CA10: variants seen among roughly 807,000 people sequenced by gnomAD.
The protein encoded by CA10 is carbonic anhydrase-related protein 10.
Under a neutral mutation model 44.2 loss-of-function variants are expected in CA10, and 14 were observed. That is an observed-to-expected ratio of 0.32 (90% CI 0.21 to 0.50). The LOEUF is 0.50. Ranked by LOEUF, CA10 falls within the 20% of genes least tolerant of loss-of-function variation. The probability of loss-of-function intolerance (pLI) is 0.99; values close to 1 mark genes in which losing one functional copy is unlikely to be tolerated. For synonymous variants in CA10, 159 were observed against 141.6 expected (o/e 1.12, Z -0.87); for missense variants, 350 against 409.7 (o/e 0.85, Z 1.26).
At chr17:51,742,109 G>A (rs1904486811) in intron 4 of CA10, among the ~76,000 whole-genome samples, 1 of 152,164 alleles carries the variant, frequency 6.6e-6, no homozygotes, top group Non-Finnish European at 1.5e-5. Context: ...AAGTCAAAAG[G>A]AGGCAGCACC....
intron 2 of CA10, among the ~76,000 whole-genome samples, chr17:52,017,793 A>G (rs1195716744): frequency 6.6e-6 from 1 of 152,052 alleles, no homozygotes; most frequent in Admixed American, 6.6e-5. Flanking sequence ...GTAGTCATGC[A>G]CTCGTAGCCA....
chr17:51,647,554 G>C (rs535767492), intron 6 of CA10, among the ~76,000 whole-genome samples: 12 of 152,268 alleles, frequency 7.9e-5, no homozygotes, highest in Admixed American at 7.8e-4. Flanking sequence ...CAGTGCTGGG[G>C]GATGGGTGGT....
At chr17:51,988,407 A>G (rs564735004) in intron 2 of CA10, among the ~76,000 whole-genome samples, 1 of 152,112 alleles carries the variant, frequency 6.6e-6, no homozygotes, top group African/African-American at 2.4e-5. Context: ...ATGAAGAAAG[A>G]TCCTCATAAA....
intron 3 of CA10, among the ~76,000 whole-genome samples, chr17:51,773,933 G>T (rs1390755044): frequency 6.6e-6 from 1 of 152,128 alleles, no homozygotes; most frequent in Non-Finnish European, 1.5e-5. Context: ...ATATTTATCA[G>T]CTACTAGCCA....
chr17:52,077,021 G>A (rs999581523), intron 1 of CA10, among the ~76,000 whole-genome samples: 5 of 152,136 alleles, frequency 3.3e-5, no homozygotes, highest in Admixed American at 2.6e-4. Flanking sequence ...ACTGCCAGAG[G>A]AAAAGATATA....
intron 7 of CA10, 41 bp downstream of exon 7, chr17:51,635,811 ACAT>A (rs955876358): frequency 6.9e-7 from 1 of 1,450,098 alleles, no homozygotes; most frequent in East Asian, 2.3e-5. Context: ...TTTTTTTTTA[ACAT>A]CATTCTTCTC....
At chr17:51,866,841 A>G (rs1315192939) in intron 3 of CA10, among the ~76,000 whole-genome samples, 1 of 152,236 alleles carries the variant, frequency 6.6e-6, no homozygotes, top group African/African-American at 2.4e-5. Context: ...ACCCTATAAA[A>G]TAATACTGAA....
At chr17:51,832,277 A>G (rs1567854916) in intron 3 of CA10, among the ~76,000 whole-genome samples, 2 of 152,130 alleles carry the variant, frequency 1.3e-5, no homozygotes. Flanking sequence ...ACTATTTTAG[A>G]AGGAGGAGGA....
intron 4 of CA10, among the ~76,000 whole-genome samples, chr17:51,711,313 G>C (rs1915936808): frequency 1.3e-5 from 2 of 152,116 alleles, no homozygotes; most frequent in South Asian, 4.1e-4. Context: ...TTAGGAAACT[G>C]GCAATGCACC....
At chr17:52,108,474 G>A (rs1384755090) in intron 1 of CA10, among the ~76,000 whole-genome samples, 8 of 151,376 alleles carry the variant, frequency 5.3e-5, no homozygotes, top group Middle Eastern at 3.4e-3. Flanking sequence ...CAAGGCAGGC[G>A]AATCACGAGG....
chr17:51,698,490 T>G (rs1024446574), intron 4 of CA10, among the ~76,000 whole-genome samples: 3 of 152,244 alleles, frequency 2.0e-5, no homozygotes, highest in Non-Finnish European at 2.9e-5. Context: ...TTTTTAATAT[T>G]TGTAGACATT....
At chr17:51,932,708 A>G (rs1210063981) in intron 2 of CA10, among the ~76,000 whole-genome samples, 3 of 152,088 alleles carry the variant, frequency 2.0e-5, no homozygotes, top group Non-Finnish European at 1.5e-5. Context: ...AGGAGGAGGA[A>G]GAGGAGAAAC....
At chr17:52,081,920 T>A (rs1349948985) in intron 1 of CA10, among the ~76,000 whole-genome samples, 2 of 152,016 alleles carry the variant, frequency 1.3e-5, no homozygotes, top group Non-Finnish European at 2.9e-5. Context: ...TCTGAGTGAC[T>A]AGATGTTGAC....
chr17:51,776,105 T>C (rs561616590), intron 3 of CA10, among the ~76,000 whole-genome samples: 1 of 152,240 alleles, frequency 6.6e-6, no homozygotes, highest in African/African-American at 2.4e-5. Flanking sequence ...CTAGCTGTTG[T>C]GTAAAGAATG....
chr17:52,154,911 T>C (rs970400263), intron 1 of CA10, among the ~76,000 whole-genome samples: 6 of 152,212 alleles, frequency 3.9e-5, no homozygotes, highest in Non-Finnish European at 5.9e-5. Context: ...GTCTGTACTT[T>C]AAGCAATATA....
At position 52,157,873 on chromosome 17, in the gene CA10, G is replaced by T; in HGVS notation, c.-87C>A. 1.9e-6 allele frequency: 2 copies of T among 1,034,016 alleles called. No homozygotes were observed. The highest frequency in any genetic ancestry group is 3.1e-6 in the Non-Finnish European group (2 of 653,018). The allele number at this position is 1,034,016 out of a possible 1,614,324, so 64.1% of individuals were successfully genotyped here. A position where few individuals can be genotyped will look rare whatever the true frequency, so the allele number is the denominator to read the frequency against. On this transcript the variant is annotated 5_prime_UTR_variant, in exon 1 of 9. Transcript: ENST00000451037. ...ACACGGCACACACACATACACACTC[G>T]CACACACTTCCGAGCGAGTGCACAC...
chr17:52,010,608 T>C (rs1238809631), intron 2 of CA10, among the ~76,000 whole-genome samples: 1 of 151,734 alleles, frequency 6.6e-6, no homozygotes, highest in African/African-American at 2.4e-5. Context: ...CATTGGACTT[T>C]GGGGACTGGG....
intron 3 of CA10, among the ~76,000 whole-genome samples, chr17:51,839,410 A>G (rs1005472916): frequency 1.4e-5 from 2 of 144,240 alleles, no homozygotes; most frequent in African/African-American, 5.1e-5. Context: ...GGAGAATGGC[A>G]TGAACCTGGG....
chr17:52,122,721 A>T (rs1453460962), intron 1 of CA10, among the ~76,000 whole-genome samples: 4 of 152,202 alleles, frequency 2.6e-5, no homozygotes, highest in Non-Finnish European at 5.9e-5. Flanking sequence ...GGCAGATCCT[A>T]CTTAAGCATT....
Sources: allele counts gnomAD v4.1 joint callset (sites outside exome capture counted in the v4.1 genomes callset), GRCh38; gene constraint gnomAD v4.1.1; transcripts MANE v1.5; gene names NCBI Gene and HGNC (gene_info 2026-07-23, HGNC 2026-07-21).